BCAS3: variants seen among roughly 807,000 people sequenced by gnomAD.
BCAS3 encodes the protein BCAS4/BCAS3 fusion.
A neutral mutation model predicts 116.1 loss-of-function variants in BCAS3; 53 were observed. The observed-to-expected ratio is 0.46, with a 90% CI of 0.37 to 0.57. BCAS3 has a LOEUF of 0.57. BCAS3 is among the 20% of genes least tolerant of loss of function. The pLI, the probability that BCAS3 is intolerant of heterozygous loss-of-function variation, is 0.00. For missense variants in BCAS3, 917 were observed against 1,165.4 expected, an observed-to-expected ratio of 0.79 and a Z score of 3.10; for synonymous variants, 391 against 408.2, an observed-to-expected ratio of 0.96 and a Z score of 0.51.
chr17:61,343,627 A>G lies in BCAS3; in HGVS notation c.2426-24700A>G, dbSNP rs1351409525. Among the ~76,000 whole-genome samples, 2 of 152,230 alleles carry G rather than the reference A, an allele frequency of 1.3e-5. No homozygotes were observed. Among genetic ancestry groups the G allele is most frequent in the African/African-American group, 2.4e-5 (1 of 41,460 alleles). ...GCAGAGGTTTGAGCCAAACAACTGGATGGCAAGGCAACAGACATCCCACTG... is the reference window on the plus strand; with the variant it reads ...GCAGAGGTTTGAGCCAAACAACTGGGTGGCAAGGCAACAGACATCCCACTG... On this transcript the variant is annotated intron_variant, in intron 22 of 23. Transcript: ENST00000407086. The surrounding 1 kb of genome is among the most constrained non-coding windows in gnomAD (Gnocchi z 5.5).
At chr17:61,207,345 T>C (rs2081204935) in intron 22 of BCAS3, among the ~76,000 whole-genome samples, 1 of 152,218 alleles carries the variant, frequency 6.6e-6, no homozygotes, top group African/African-American at 2.4e-5. Flanking sequence ...TGAAGATATA[T>C]ATTAATTCAT....
chr17:60,883,162 C>T (rs2056339703), intron 9 of BCAS3, among the ~76,000 whole-genome samples: 1 of 144,708 alleles, frequency 6.9e-6, no homozygotes, highest in East Asian at 2.1e-4. Context: ...CTTCACATCC[C>T]TTGTAAGTTG....
At chr17:60,982,855 T>C (rs146687291) in intron 14 of BCAS3, among the ~76,000 whole-genome samples, 464 of 152,278 alleles carry the variant, frequency 3.0e-3, no homozygotes, top group Non-Finnish European at 5.0e-3. Context: ...ACAGAAAAAG[T>C]TTACTGAACC....
At chr17:61,370,357 G>A (rs962294682) in intron 23 of BCAS3, among the ~76,000 whole-genome samples, 2 of 150,784 alleles carry the variant, frequency 1.3e-5, no homozygotes, top group African/African-American at 2.4e-5. Flanking sequence ...GACCATATTC[G>A]ATGTATGTTT....
chr17:60,788,036 C>T (rs2046430967), intron 6 of BCAS3, among the ~76,000 whole-genome samples: 1 of 151,890 alleles, frequency 6.6e-6, no homozygotes, highest in African/African-American at 2.4e-5. Flanking sequence ...CAGCACCATG[C>T]TCAGTGCTTT....
At chr17:60,973,016 G>A (rs2062060268) in intron 14 of BCAS3, among the ~76,000 whole-genome samples, 1 of 152,242 alleles carries the variant, frequency 6.6e-6, no homozygotes, top group African/African-American at 2.4e-5. Context: ...GTTAGAAAGG[G>A]CGTTGTTATT....
At chr17:60,938,327 T>A (rs1273120459) in intron 13 of BCAS3, among the ~76,000 whole-genome samples, 1 of 152,112 alleles carries the variant, frequency 6.6e-6, no homozygotes, top group Non-Finnish European at 1.5e-5. Context: ...TTTTAGGGAG[T>A]AAGTATAGAC....
Position 60,786,828 on chromosome 17 carries a change from A to G in BCAS3, c.404-21176A>G, listed in dbSNP as rs1051023891. ...CCAGACTACAAATGGTAAAAGCTCTATGTTTTATTATCGACAATCCCTTTT... is the reference window on the plus strand; with the variant it reads ...CCAGACTACAAATGGTAAAAGCTCTGTGTTTTATTATCGACAATCCCTTTT... On this transcript the variant is annotated intron_variant, in intron 6 of 23. Transcript: ENST00000407086. Among the ~76,000 whole-genome samples the G allele has an allele frequency of 4.6e-5, 7 of 152,254 alleles. 1 individual carries two copies. In the East Asian group the frequency reaches 7.7e-4, roughly 17 times the overall value.
intron 14 of BCAS3, among the ~76,000 whole-genome samples, chr17:60,969,241 T>G (rs1042453238): frequency 1.3e-5 from 2 of 152,220 alleles, no homozygotes; most frequent in South Asian, 2.1e-4. Context: ...ACCACCGTTT[T>G]GGAACTGGAA....
chr17:61,145,628 T>TA lies in BCAS3; in HGVS notation c.2425+61065dup, dbSNP rs1470369040. On this transcript the variant is annotated intron_variant, in intron 22 of 23. Transcript: ENST00000407086. The surrounding 1 kb of genome is among the most constrained non-coding windows in gnomAD (Gnocchi z 5.0). ...ACCAGACCCTTGTGTCATTTAATGT[T>TA]ACTTTAAAAAATTATTCTTAAATGT... is the stretch of plus-strand genomic sequence containing the variant. Among the ~76,000 whole-genome samples, 1 of 152,254 alleles carries TA rather than the reference T, an allele frequency of 6.6e-6. No homozygotes were observed. The highest frequency in any genetic ancestry group is 1.5e-5 in the Non-Finnish European group (1 of 68,050).
intron 4 of BCAS3, among the ~76,000 whole-genome samples, chr17:60,691,593 G>C (rs1244874943): frequency 6.6e-6 from 1 of 151,826 alleles, no homozygotes; most frequent in African/African-American, 2.4e-5. Context: ...GTTTTTGTTT[G>C]TTTATTTAGT....
chr17:60,843,658 A>G (rs766043262), intron 7 of BCAS3, among the ~76,000 whole-genome samples: 4 of 152,162 alleles, frequency 2.6e-5, no homozygotes, highest in Non-Finnish European at 5.9e-5. Context: ...TTCTTTTTAC[A>G]TACAGGCTTA....
chr17:61,275,861 A>C (rs2050720698), intron 22 of BCAS3, among the ~76,000 whole-genome samples: 1 of 152,172 alleles, frequency 6.6e-6, no homozygotes, highest in Non-Finnish European at 1.5e-5. Context: ...ATCTCATGGA[A>C]ATTTTTCTTA....
At chr17:61,370,230 T>C (rs2058974310) in intron 23 of BCAS3, among the ~76,000 whole-genome samples, 1 of 150,870 alleles carries the variant, frequency 6.6e-6, no homozygotes, top group African/African-American at 2.4e-5. Context: ...GTAGAGGAAA[T>C]TAAAACTGCA....
chr17:61,378,858 G>T lies in BCAS3; in HGVS notation c.2593+10364G>T, dbSNP rs929922102. 6.6e-6 allele frequency: 1 copy of T among 152,280 alleles called. No homozygotes were observed. Among genetic ancestry groups the T allele is most frequent in the South Asian group, 2.1e-4 (1 of 4,826 alleles). 9.4% of individuals were successfully genotyped at this position (152,280 alleles called of 1,614,324 possible). ...CGTCACTAAGGCTACTGGAAGCCCC[G>T]CCAGGGGCAGAGCTGTAATGGGAGT... On this transcript the variant is annotated intron_variant, in intron 23 of 23. Coordinates refer to ENST00000407086, the MANE Select transcript of BCAS3 (RefSeq NM_017679.5). This position sits in a 1 kb window ranked among gnomAD's most constrained non-coding sequence, Gnocchi z 5.8.
chr17:61,110,746 T>C (rs2075025326), intron 22 of BCAS3, among the ~76,000 whole-genome samples: 1 of 152,034 alleles, frequency 6.6e-6, no homozygotes, highest in African/African-American at 2.4e-5. Flanking sequence ...CCACCACAGC[T>C]CAAGGAGGCC....
intron 6 of BCAS3, among the ~76,000 whole-genome samples, chr17:60,753,388 TTTA>T (rs1213230343): frequency 4.2e-5 from 5 of 120,274 alleles, no homozygotes; most frequent in African/African-American, 2.0e-4. Context: ...TCTTATTTTA[TTTA>T]TTTATTTATT....
rs547561018 is a variant in BCAS3, at chr17:61,387,470, C to T, written c.2594-4507C>T. Among the ~76,000 whole-genome samples, 2 of 152,198 alleles carry T rather than the reference C, an allele frequency of 1.3e-5. No individual in the cohort carries two copies. The highest frequency in any genetic ancestry group is 2.9e-5 in the Non-Finnish European group (2 of 68,044). On this transcript the variant is annotated intron_variant, in intron 23 of 23. Transcript: ENST00000407086. The surrounding 1 kb of genome is among the most constrained non-coding windows in gnomAD (Gnocchi z 6.2). ...ATATGGAGTGGGGCAGCATGAGGAT[C>T]CAGCTTGCTTTTTTTTCACCCTGAG...
intron 6 of BCAS3, among the ~76,000 whole-genome samples, chr17:60,767,080 C>T (rs2044178643): frequency 6.6e-6 from 1 of 152,176 alleles, no homozygotes; most frequent in Non-Finnish European, 1.5e-5. Context: ...GTGGCAGTGT[C>T]CTGATTTTCC....
Sources: gnomAD v4.1 joint callset for allele counts (sites outside exome capture counted in the v4.1 genomes callset) on GRCh38, gnomAD v4.1.1 for gene constraint, Gnocchi (gnomAD v3.1) non-coding constraint, MANE v1.5 for transcripts, NCBI Gene and HGNC (gene_info 2026-07-23, HGNC 2026-07-21) for gene names.